The following CSMD1 variants were observed in gnomAD, a reference collection of about 807,000 sequenced individuals.
CSMD1 encodes the protein CUB and sushi domain-containing protein 1.
CSMD1 carries 213 observed loss-of-function variants against 417.5 expected under a neutral mutation model. The observed-to-expected ratio is 0.51, with a 90% CI of 0.46 to 0.57. CSMD1 has a LOEUF of 0.57. Ranked by LOEUF, CSMD1 falls within the 20% of genes least tolerant of loss-of-function variation. CSMD1 has a pLI of 0.00. For synonymous variants in CSMD1, 2,862 were observed against 1,736.8 expected, an observed-to-expected ratio of 1.65 and a Z score of -16.11; for missense variants, 6,923 against 4,529.7, an observed-to-expected ratio of 1.53 and a Z score of -15.17.
At chr8:3,257,057 C>T (rs1460534623) in intron 26 of CSMD1, among the ~76,000 whole-genome samples, 3 of 152,192 alleles carry the variant, frequency 2.0e-5, no homozygotes, top group Non-Finnish European at 4.4e-5. Context: ...TACAGTGGCT[C>T]ATGCCTGTAA....
chr8:3,043,951 A>G (rs1013064883), intron 50 of CSMD1, among the ~76,000 whole-genome samples: 3 of 152,274 alleles, frequency 2.0e-5, no homozygotes, highest in Middle Eastern at 3.4e-3. Flanking sequence ...ATGTCTCCAC[A>G]TATTGGAAAG....
At chr8:3,543,839 G>A (rs970323221) in intron 10 of CSMD1, among the ~76,000 whole-genome samples, 2 of 152,166 alleles carry the variant, frequency 1.3e-5, no homozygotes, top group African/African-American at 2.4e-5. Flanking sequence ...GAGGTTAGCA[G>A]ATGGATTGTA....
At chr8:4,328,699 C>G (rs1799696047) in intron 3 of CSMD1, among the ~76,000 whole-genome samples, 1 of 152,252 alleles carries the variant, frequency 6.6e-6, no homozygotes, top group East Asian at 1.9e-4. Flanking sequence ...CTAGGAAGTG[C>G]TTTATTAGCT....
rs1459396894 is a variant in CSMD1, at chr8:4,994,904, CT to C, written c.-489del. 4.4e-5 allele frequency: 7 copies of C among 159,526 alleles called. No individual in the cohort carries two copies. Among genetic ancestry groups the C allele is most frequent in the Non-Finnish European group, 9.5e-5 (7 of 73,320 alleles). 9.9% of individuals were successfully genotyped at this position (159,526 alleles called of 1,614,324 possible). On this transcript the variant is annotated 5_prime_UTR_variant, in exon 1 of 70. Transcript: ENST00000635120. ...GGGCTGCTAGTGGCACAAGGAGCCG[CT>C]GCCGTGGAGGCTGGACTCAACCATC...
At chr8:4,298,436 G>A (rs556894938) in intron 3 of CSMD1, among the ~76,000 whole-genome samples, 4 of 152,114 alleles carry the variant, frequency 2.6e-5, no homozygotes, top group African/African-American at 9.6e-5. Context: ...ACAAAGTTGT[G>A]AATAATTCCC....
chr8:4,797,713 C>A (rs76738603), intron 1 of CSMD1, among the ~76,000 whole-genome samples: 3,738 of 152,146 alleles, frequency 0.025, 135 homozygotes, highest in African/African-American at 0.073. Context: ...ACAAAGATAC[C>A]TCCTTAACTG....
At chr8:4,755,214 C>T (rs1175012615) in intron 1 of CSMD1, among the ~76,000 whole-genome samples, 5 of 152,166 alleles carry the variant, frequency 3.3e-5, no homozygotes, top group South Asian at 2.1e-4. Context: ...CTCATGTCCA[C>T]GCAGTATTTC....
intron 50 of CSMD1, among the ~76,000 whole-genome samples, chr8:3,047,973 G>T (rs1424344451): frequency 6.6e-6 from 1 of 152,214 alleles, no homozygotes; most frequent in Non-Finnish European, 1.5e-5. Context: ...TAGACTGAAG[G>T]TTCTTGTTCA....
At chr8:4,434,936 A>G (rs902719393) in intron 2 of CSMD1, among the ~76,000 whole-genome samples, 2 of 152,174 alleles carry the variant, frequency 1.3e-5, no homozygotes, top group Non-Finnish European at 2.9e-5. Context: ...GTGACAACAG[A>G]TGTTAAAACC....
At chr8:4,741,137 G>C (rs541934587) in intron 1 of CSMD1, among the ~76,000 whole-genome samples, 1 of 152,122 alleles carries the variant, frequency 6.6e-6, no homozygotes, top group Non-Finnish European at 1.5e-5. Context: ...CAGAGCAAAT[G>C]TGTACACCCT....
At chr8:4,315,290 G>C (rs562870619) in intron 3 of CSMD1, among the ~76,000 whole-genome samples, 9 of 152,232 alleles carry the variant, frequency 5.9e-5, no homozygotes, top group East Asian at 1.9e-4. Flanking sequence ...CAGTATGCGA[G>C]GAGACCCTTT....
At chr8:3,912,997 C>T (rs150448711) in intron 5 of CSMD1, among the ~76,000 whole-genome samples, 37 of 152,152 alleles carry the variant, frequency 2.4e-4, no homozygotes, top group Middle Eastern at 3.4e-3. Context: ...GGAAAGCCTA[C>T]GCACTGGTGA....
At chr8:3,714,539 T>A (rs1028011545) in intron 6 of CSMD1, among the ~76,000 whole-genome samples, 9 of 97,430 alleles carry the variant, frequency 9.2e-5, no homozygotes, top group Non-Finnish European at 9.4e-5. Context: ...CTGGCCAACA[T>A]GGCGAAACCC....
At chr8:3,449,447 GA>G (rs1815545162) in intron 12 of CSMD1, among the ~76,000 whole-genome samples, 3 of 152,032 alleles carry the variant, frequency 2.0e-5, no homozygotes, top group African/African-American at 7.3e-5. Flanking sequence ...CCTGGACTCG[GA>G]AAGTGAATTT....
intron 5 of CSMD1, among the ~76,000 whole-genome samples, chr8:3,973,766 T>G (rs778654215): frequency 1.7e-4 from 26 of 152,204 alleles, no homozygotes; most frequent in Non-Finnish European, 1.8e-4. Context: ...CAACCAGTGT[T>G]TCATTATTTG....
intron 5 of CSMD1, among the ~76,000 whole-genome samples, chr8:3,806,134 A>G (rs1800726652): frequency 1.3e-5 from 2 of 152,144 alleles, no homozygotes; most frequent in African/African-American, 2.4e-5. Context: ...AAGCATCAAA[A>G]CAGCACAGTT....
At chr8:4,355,920 T>C (rs1181614145) in intron 3 of CSMD1, among the ~76,000 whole-genome samples, 1 of 65,194 alleles carries the variant, frequency 1.5e-5, no homozygotes, top group East Asian at 8.8e-4. Flanking sequence ...GAATCAGCTG[T>C]TTTTTTGTTT....
At chr8:4,337,274 C>G (rs137960783) in intron 3 of CSMD1, among the ~76,000 whole-genome samples, 2 of 152,080 alleles carry the variant, frequency 1.3e-5, no homozygotes, top group South Asian at 4.1e-4. Flanking sequence ...CAACTAAATG[C>G]TTAATTTCTG....
intron 1 of CSMD1, among the ~76,000 whole-genome samples, chr8:4,804,637 G>C (rs1323242604): frequency 6.6e-6 from 1 of 151,878 alleles, no homozygotes; most frequent in Non-Finnish European, 1.5e-5. Context: ...GGCAGAGAGA[G>C]ATAATATTAC....
Sources: gnomAD v4.1 joint callset for allele counts (sites outside exome capture counted in the v4.1 genomes callset) on GRCh38, gnomAD v4.1.1 for gene constraint, MANE v1.5 for transcripts, NCBI Gene and HGNC (gene_info 2026-07-23, HGNC 2026-07-21) for gene names.